FHIT: variants seen among roughly 807,000 people sequenced by gnomAD.
The protein encoded by FHIT is bis(5'-adenosyl)-triphosphatase.
Under a neutral mutation model 17.9 loss-of-function variants are expected in FHIT, and 19 were observed. The ratio of observed to expected loss-of-function variants is 1.06; its 90% confidence interval spans 0.74 to 1.56. FHIT has a LOEUF of 1.56. FHIT is among the 40% of genes most tolerant of loss of function. The pLI is 0.00. For synonymous variants in FHIT, 81 were observed against 69.7 expected, an observed-to-expected ratio of 1.16 and a Z score of -0.81; for missense variants, 248 against 189.2, an observed-to-expected ratio of 1.31 and a Z score of -1.82.
chr3:60,458,082 G>A (rs2032225074), intron 5 of FHIT, among the ~76,000 whole-genome samples: 1 of 152,038 alleles, frequency 6.6e-6, no homozygotes, highest in Non-Finnish European at 1.5e-5. Flanking sequence ...CCCATTACTG[G>A]GTATATACCC....
intron 5 of FHIT, among the ~76,000 whole-genome samples, chr3:60,147,053 T>C (rs1700273163): frequency 6.6e-6 from 1 of 151,968 alleles, no homozygotes; most frequent in Non-Finnish European, 1.5e-5. Context: ...GGAAGAAAAA[T>C]AAAGGAGCGG....
intron 4 of FHIT, among the ~76,000 whole-genome samples, chr3:60,618,757 T>C (rs1553676972): frequency 6.6e-6 from 1 of 152,164 alleles, no homozygotes; most frequent in African/African-American, 2.4e-5. Context: ...TGAGTGGACC[T>C]AATATAATGC....
At chr3:60,378,951 A>T (rs950308599) in intron 5 of FHIT, among the ~76,000 whole-genome samples, 1 of 152,210 alleles carries the variant, frequency 6.6e-6, no homozygotes, top group African/African-American at 2.4e-5. Flanking sequence ...CAAGCACTAC[A>T]ATCAAGTAGG....
chr3:59,768,628 G>A (rs1405977516), intron 8 of FHIT, among the ~76,000 whole-genome samples: 1 of 152,164 alleles, frequency 6.6e-6, no homozygotes, highest in African/African-American at 2.4e-5. Context: ...AGACATCAAT[G>A]TCATATGGTT....
rs554032174 is a variant in FHIT at position 60,710,917 on chromosome 3, G to A, written c.-18+111002C>T. ...TCCCTGACTGACAGCTTTGAGGAGA[G>A]CAGTGGTTCTCCCAGCATGCAGCTG... On this transcript the variant is annotated intron_variant, in intron 4 of 9. Coordinates refer to ENST00000492590, the MANE Select transcript of FHIT (RefSeq NM_002012.4). 2.3e-3 allele frequency among the ~76,000 whole-genome samples: 349 copies of A among 152,330 alleles called. 2 individuals carry two copies. Among genetic ancestry groups the A allele is most frequent in the African/African-American group, 8.2e-3 (340 of 41,578 alleles).
At chr3:59,913,702 T>C (rs1246961891) in intron 8 of FHIT, among the ~76,000 whole-genome samples, 3 of 152,228 alleles carry the variant, frequency 2.0e-5, no homozygotes, top group Non-Finnish European at 4.4e-5. Flanking sequence ...CGAACTATAG[T>C]TGTTTATGAC....
At chr3:60,804,225 T>G (rs1229318666) in intron 4 of FHIT, among the ~76,000 whole-genome samples, 2 of 152,202 alleles carry the variant, frequency 1.3e-5, no homozygotes, top group African/African-American at 4.8e-5. Context: ...TGCTGAAAAG[T>G]GATCAAGGGC....
chr3:60,166,574 A>G (rs903821114), intron 5 of FHIT, among the ~76,000 whole-genome samples: 1 of 152,168 alleles, frequency 6.6e-6, no homozygotes, highest in South Asian at 2.1e-4. Flanking sequence ...AAGATGAAGG[A>G]ATTCAGGCTT....
chr3:60,496,906 C>T (rs2034323154), intron 5 of FHIT, among the ~76,000 whole-genome samples: 1 of 151,972 alleles, frequency 6.6e-6, no homozygotes, highest in South Asian at 2.1e-4. Flanking sequence ...ATATTAAATA[C>T]ATCAAACAAC....
intron 5 of FHIT, among the ~76,000 whole-genome samples, chr3:60,133,152 C>G (rs9682976): frequency 6.6e-6 from 1 of 151,974 alleles, no homozygotes; most frequent in African/African-American, 2.4e-5. Flanking sequence ...CTCTTAAAAC[C>G]TTAGGCTGGA....
chr3:59,830,869 T>C (rs994673540), intron 8 of FHIT, among the ~76,000 whole-genome samples: 2 of 152,216 alleles, frequency 1.3e-5, no homozygotes, highest in Admixed American at 6.5e-5. Flanking sequence ...GGGTGATTTA[T>C]ATAGAATGTG....
intron 5 of FHIT, among the ~76,000 whole-genome samples, chr3:60,340,288 G>T (rs1430402422): frequency 6.6e-6 from 1 of 152,198 alleles, no homozygotes; most frequent in Non-Finnish European, 1.5e-5. Flanking sequence ...TATATAAATA[G>T]GAAGCGAGAA....
intron 5 of FHIT, among the ~76,000 whole-genome samples, chr3:60,354,805 ATACTT>A (rs1699573573): frequency 1.3e-5 from 2 of 152,174 alleles, no homozygotes; most frequent in Admixed American, 1.3e-4. Flanking sequence ...AATCAGTAGT[ATACTT>A]TATTCTTGTT....
At chr3:60,969,496 T>C (rs1709905436) in intron 3 of FHIT, among the ~76,000 whole-genome samples, 1 of 152,150 alleles carries the variant, frequency 6.6e-6, no homozygotes, top group African/African-American at 2.4e-5. Context: ...TAAATTTCCA[T>C]ATAAAAACTG....
chr3:60,473,980 A>G (rs11924296), intron 5 of FHIT, among the ~76,000 whole-genome samples: 47,037 of 151,940 alleles, frequency 0.31, 7,949 homozygotes, highest in East Asian at 0.54. Flanking sequence ...CTGGAGATGT[A>G]TGGGGGAAAG....
At chr3:60,526,634 G>A (rs903445908) in intron 5 of FHIT, among the ~76,000 whole-genome samples, 1 of 152,048 alleles carries the variant, frequency 6.6e-6, no homozygotes, top group Non-Finnish European at 1.5e-5. Flanking sequence ...AGCCTCCCCT[G>A]CCCCACCCTA....
chr3:60,284,825 G>A (rs9849856), intron 5 of FHIT, among the ~76,000 whole-genome samples: 71,530 of 151,788 alleles, frequency 0.47, 17,732 homozygotes, highest in East Asian at 0.76. Context: ...TGTATGTGGC[G>A]TGTCTGTTCA....
At chr3:60,034,755 T>C (rs1325082858) in intron 5 of FHIT, among the ~76,000 whole-genome samples, 1 of 152,212 alleles carries the variant, frequency 6.6e-6, no homozygotes, top group Non-Finnish European at 1.5e-5. Context: ...AACATTGACA[T>C]TTATTATATT....
intron 5 of FHIT, among the ~76,000 whole-genome samples, chr3:60,332,334 G>C (rs1429283033): frequency 6.6e-6 from 1 of 152,196 alleles, no homozygotes; most frequent in Non-Finnish European, 1.5e-5. Flanking sequence ...AGATGACTGA[G>C]CCTCTGGCCT....
Sources: gnomAD v4.1 joint callset for allele counts (sites outside exome capture counted in the v4.1 genomes callset) on GRCh38, gnomAD v4.1.1 for gene constraint, MANE v1.5 for transcripts, NCBI Gene and HGNC (gene_info 2026-07-23, HGNC 2026-07-21) for gene names.